The following GPR137B variants were observed in gnomAD, a reference collection of about 807,000 sequenced individuals.
GPR137B encodes integral membrane protein GPR137B.
GPR137B carries 42 observed loss-of-function variants against 42.5 expected under a neutral mutation model. The ratio of observed to expected loss-of-function variants is 0.99; its 90% confidence interval spans 0.77 to 1.28. GPR137B has a LOEUF of 1.28. Ranked by LOEUF, GPR137B falls within the 50% of genes most tolerant of loss-of-function variation. The pLI is 0.00. For synonymous variants in GPR137B, 218 were observed against 209.7 expected, an observed-to-expected ratio of 1.04 and a Z score of -0.34; for missense variants, 487 against 493.9, an observed-to-expected ratio of 0.99 and a Z score of 0.13.
At chr1:236,172,909 C>T (rs1662584915) in intron 2 of GPR137B, among the ~76,000 whole-genome samples, 1 of 150,986 alleles carries the variant, frequency 6.6e-6, no homozygotes, top group Admixed American at 6.6e-5. Flanking sequence ...CCAGGCTGGT[C>T]TTGAATTCCT....
At chr1:236,166,484 T>TTATATATACATATATATATTTA (rs1662358647) in intron 1 of GPR137B, among the ~76,000 whole-genome samples, 4 of 139,590 alleles carry the variant, frequency 2.9e-5, no homozygotes, top group Non-Finnish European at 6.0e-5. Flanking sequence ...TTATATATAT[T>TTATATATACATATATATATTTA]TATATATACA....
At chr1:236,200,103 G>A (rs1663451389) in intron 5 of GPR137B, among the ~76,000 whole-genome samples, 1 of 151,980 alleles carries the variant, frequency 6.6e-6, no homozygotes, top group East Asian at 1.9e-4. Context: ...TGATTTCATT[G>A]TTGACCCAAA....
At chr1:236,185,655 A>AAGCG (rs1360652921) in intron 5 of GPR137B, among the ~76,000 whole-genome samples, 5 of 152,152 alleles carry the variant, frequency 3.3e-5, no homozygotes, top group Non-Finnish European at 7.4e-5. Context: ...TCCTGGGCTT[A>AAGCG]AGCGATTCTC....
chr1:236,166,599 A>G (rs1163207673), intron 1 of GPR137B, among the ~76,000 whole-genome samples: 1 of 149,078 alleles, frequency 6.7e-6, no homozygotes, highest in Non-Finnish European at 1.5e-5. Context: ...GAGAAAACTC[A>G]TAGCAGAACC....
chr1:236,192,842 TTTTAAG>T (rs1663232673), intron 5 of GPR137B, among the ~76,000 whole-genome samples: 4 of 152,262 alleles, frequency 2.6e-5, no homozygotes, highest in African/African-American at 9.6e-5. Context: ...TTTTAAGGAA[TTTTAAG>T]TTTTTCTTAA....
intron 5 of GPR137B, among the ~76,000 whole-genome samples, chr1:236,192,623 C>T (rs947865016): frequency 2.0e-5 from 3 of 152,036 alleles, no homozygotes; most frequent in African/African-American, 4.8e-5. Context: ...ACTTCTCGAT[C>T]GAGGCGACAC....
chr1:236,145,272 T>A (rs1661651864), intron 1 of GPR137B, among the ~76,000 whole-genome samples: 1 of 152,174 alleles, frequency 6.6e-6, no homozygotes, highest in South Asian at 2.1e-4. Flanking sequence ...ACCCCCTCTT[T>A]CTCTTACACA....
chr1:236,152,258 TC>T (rs1233463982), intron 1 of GPR137B, among the ~76,000 whole-genome samples: 1 of 151,606 alleles, frequency 6.6e-6, no homozygotes, highest in Non-Finnish European at 1.5e-5. Flanking sequence ...GCCCAGGAGT[TC>T]AAGACTATCC....
In GPR137B at chr1:236,179,981, A is replaced by G; in HGVS notation, c.790A>G (p.Lys264Glu). The change falls in exon 4 of 7, where the codon AAG becomes GAG. Residue 264 changes from lysine (K) to glutamate (E), a missense_variant. By Grantham distance (56) the Lys-to-Glu change is moderately conservative. Coordinates refer to ENST00000366592, the MANE Select transcript of GPR137B (RefSeq NM_003272.4). The stretch of plus-strand genomic sequence containing the variant: ...GTTCATCCTGTCATTTTCTCAGAAC[A>G]AGAGCGTCCATTCCTTTGATTATGA... ...NLFILSFSQN[K>E]SVHSFDYDWY... The G allele has an allele frequency of 6.2e-7, 1 of 1,613,830 alleles. No individual in the cohort carries two copies. Among genetic ancestry groups the G allele is most frequent in the East Asian group, 2.2e-5 (1 of 44,884 alleles).
At chr1:236,183,748 C>T (rs1319448203) in intron 4 of GPR137B, 30 bp from the exon 5 acceptor site, 2 of 1,558,296 alleles carry the variant, frequency 1.3e-6, no homozygotes. Context: ...TTCCCTTGGT[C>T]TGATGACTCT....
intron 1 of GPR137B, among the ~76,000 whole-genome samples, chr1:236,163,549 G>C: frequency 6.6e-6 from 1 of 152,166 alleles, no homozygotes; most frequent in Non-Finnish European, 1.5e-5. Flanking sequence ...TGTTGTGGGA[G>C]GGACCTGGGA....
chr1:236,180,386 TC>T (rs1370182974), intron 4 of GPR137B, among the ~76,000 whole-genome samples: 1 of 152,198 alleles, frequency 6.6e-6, no homozygotes, highest in Non-Finnish European at 1.5e-5. Context: ...TGTTTGCATT[TC>T]AGTGGTTCAC....
rs952321601 is a variant in GPR137B at position 236,207,380 on chromosome 1, G to C, written c.1092-670G>C. 5.2e-6 allele frequency: 3 copies of C among 575,318 alleles called. No individual in the cohort carries two copies. The African/African-American group carries it at 6.1e-5, about 12-fold the overall frequency. 35.6% of individuals were successfully genotyped at this position (575,318 alleles called of 1,614,324 possible). ...TGAGCTCCACCTCTTCCTTAAAACT[G>C]TTCTTTTCCAGTTACCCCACTGCAT... is the stretch of plus-strand genomic sequence containing the variant. On this transcript the variant is annotated intron_variant, in intron 6 of 6. Coordinates refer to ENST00000366592, the MANE Select transcript of GPR137B (RefSeq NM_003272.4).
chr1:236,197,851 G>A (rs1663383267), intron 5 of GPR137B, among the ~76,000 whole-genome samples: 1 of 152,138 alleles, frequency 6.6e-6, no homozygotes, highest in Admixed American at 6.5e-5. Context: ...CTCCTGAGTA[G>A]GTGGGATTAC....
rs1661573335 is a variant in GPR137B, at chr1:236,143,055, C to T, written c.414+19C>T. Reference sequence around the variant, plus strand: ...CACGCAGGTGAGTTTCAGAGAGGCTCCTGGAGGCGCTCACCTGGCGGGGTG... The same window carrying T: ...CACGCAGGTGAGTTTCAGAGAGGCTTCTGGAGGCGCTCACCTGGCGGGGTG... On this transcript the variant is annotated intron_variant, in intron 1 of 6. Coordinates refer to ENST00000366592, the MANE Select transcript of GPR137B (RefSeq NM_003272.4). 1 of 1,584,840 alleles carries T rather than the reference C, an allele frequency of 6.3e-7. No homozygotes were observed. Among genetic ancestry groups the T allele is most frequent in the Non-Finnish European group, 8.6e-7 (1 of 1,166,532 alleles).
At chr1:236,184,274 AATAGGAAATAGAGAACACTC>A (rs1357198464) in intron 5 of GPR137B, among the ~76,000 whole-genome samples, 2 of 152,224 alleles carry the variant, frequency 1.3e-5, no homozygotes, top group Admixed American at 6.5e-5. Flanking sequence ...GAGAAACAGA[AATAGGAAATAGAGAACACTC>A]ATAGGAAATA....
At chr1:236,190,148 CTTTT>C (rs34520510) in intron 5 of GPR137B, among the ~76,000 whole-genome samples, 1,526 of 119,414 alleles carry the variant, frequency 0.013, 34 homozygotes, top group African/African-American at 0.045. Flanking sequence ...CCTGCTTCTT[CTTTT>C]TTTTTTTTTT....
At chr1:236,187,005 G>C (rs1318391516) in intron 5 of GPR137B, among the ~76,000 whole-genome samples, 1 of 152,138 alleles carries the variant, frequency 6.6e-6, no homozygotes, top group Non-Finnish European at 1.5e-5. Flanking sequence ...GTCCTCTCCA[G>C]CATCTGTTGT....
intron 4 of GPR137B, 58 bp from the exon 5 acceptor site, chr1:236,183,720 A>G (rs1423958045): frequency 7.6e-7 from 1 of 1,312,854 alleles, no homozygotes; most frequent in Non-Finnish European, 1.1e-6. Flanking sequence ...AGAAAGAAAC[A>G]ATCAAATTTA....
Sources: gnomAD v4.1 joint callset for allele counts (sites outside exome capture counted in the v4.1 genomes callset) on GRCh38, gnomAD v4.1.1 for gene constraint, MANE v1.5 for transcripts, NCBI Gene and HGNC (gene_info 2026-07-23, HGNC 2026-07-21) for gene names.